The following DZIP3 variants were observed in gnomAD, a reference collection of about 807,000 sequenced individuals.
DZIP3 encodes DAZ interacting zinc finger protein 3.
Under a neutral mutation model 162.0 loss-of-function variants are expected in DZIP3, and 118 were observed. The ratio of observed to expected loss-of-function variants is 0.73; its 90% confidence interval spans 0.63 to 0.85. DZIP3 has a LOEUF of 0.85. DZIP3 is among the 40% of genes least tolerant of loss of function. The pLI, the probability that DZIP3 is intolerant of heterozygous loss-of-function variation, is 0.00. For synonymous variants in DZIP3, 438 were observed against 458.6 expected, an observed-to-expected ratio of 0.96 and a Z score of 0.57; for missense variants, 1,331 against 1,407.0, an observed-to-expected ratio of 0.95 and a Z score of 0.86.
At chr3:108,689,910 G>A (rs1476381562) in intron 31 of DZIP3, among the ~76,000 whole-genome samples, 1 of 152,164 alleles carries the variant, frequency 6.6e-6, no homozygotes, top group African/African-American at 2.4e-5. Context: ...AGCCATGTTT[G>A]TAAGACATCA....
At chr3:108,604,342 C>A (rs114408165) in intron 1 of DZIP3, among the ~76,000 whole-genome samples, 278 of 152,100 alleles carry the variant, frequency 1.8e-3, no homozygotes, top group African/African-American at 6.4e-3. Flanking sequence ...TTCTTTTGCC[C>A]CAGAGCATAT....
In DZIP3 at chr3:108,605,326, T is replaced by G; in HGVS notation, c.-72-9T>G. 1 of 1,544,366 alleles carries G rather than the reference T, an allele frequency of 6.5e-7. No homozygotes were observed. Among genetic ancestry groups the G allele is most frequent in the Non-Finnish European group, 8.9e-7 (1 of 1,126,998 alleles). On this transcript the variant is annotated splice_polypyrimidine_tract_variant and intron_variant, in intron 1 of 32. Transcript: ENST00000361582. ...TCCTATCTTCATAAAAATATTATTT[T>G]CCTTACAGCATTAAAGGGCAGTATT... is the stretch of plus-strand genomic sequence containing the variant.
chr3:108,672,432 T>A, intron 22 of DZIP3, 128 bp from the exon 23 acceptor site: 1 of 722,280 alleles, frequency 1.4e-6, no homozygotes. Flanking sequence ...CTTGTTTCTA[T>A]GTGCTCTATA....
chr3:108,674,160 G>A lies in DZIP3; in HGVS notation c.2672G>A (p.Arg891Lys). Residue 891 changes from arginine to lysine, a missense_variant, in exon 24 of 33, where the codon AGG (arginine) becomes AAG (lysine). Physicochemically the swap from Arg to Lys is conservative, Grantham distance 26. Transcript: ENST00000361582. Reference sequence around the variant, plus strand: ...AAGGAATGTCTCAATCAGCTTGCCAGGGTGACTCACATGGCAGCAAGGTAA... The same window carrying A: ...AAGGAATGTCTCAATCAGCTTGCCAAGGTGACTCACATGGCAGCAAGGTAA... ...TEKECLNQLA[R>K]VTHMAASNLE... 1 of 1,612,220 alleles carries A rather than the reference G, an allele frequency of 6.2e-7. No individual in the cohort carries two copies. The highest frequency in any genetic ancestry group is 8.5e-7 in the Non-Finnish European group (1 of 1,178,848).
intron 5 of DZIP3, 115 bp from the exon 6 acceptor site, chr3:108,624,329 A>G: frequency 1.6e-6 from 1 of 613,790 alleles, no homozygotes; most frequent in Non-Finnish European, 2.9e-6. Flanking sequence ...TAATGTTTTG[A>G]TAATTTTTAC....
intron 20 of DZIP3, 64 bp downstream of exon 20, chr3:108,662,036 T>G: frequency 6.3e-7 from 1 of 1,579,590 alleles, no homozygotes; most frequent in Non-Finnish European, 8.6e-7. Flanking sequence ...AACTTACTGG[T>G]GCTTTCTGTT....
intron 5 of DZIP3, among the ~76,000 whole-genome samples, chr3:108,619,909 A>G (rs1941234839): frequency 6.6e-6 from 1 of 152,186 alleles, no homozygotes; most frequent in East Asian, 1.9e-4. Context: ...TATTAAAAAA[A>G]AAAAAACAGG....
intron 1 of DZIP3, among the ~76,000 whole-genome samples, chr3:108,590,299 A>G (rs1014459794): frequency 1.3e-5 from 2 of 152,232 alleles, no homozygotes; most frequent in Non-Finnish European, 2.9e-5. Context: ...TTTAAAAACC[A>G]GGATGTAGAA....
At chr3:108,633,912 C>CTCTGGATCTATCAGAATACTTCTGATAGA (rs1576390975) in intron 9 of DZIP3, among the ~76,000 whole-genome samples, 10 of 30,050 alleles carry the variant, frequency 3.3e-4, no homozygotes, top group East Asian at 0.018. Flanking sequence ...TGATAGATCT[C>CTCTGGATCTATCAGAATACTTCTGATAGA]TCTCTCTGGA....
At chr3:108,669,615 C>T (rs1416858081) in intron 21 of DZIP3, 66 bp from the exon 22 acceptor site, 1 of 1,432,180 alleles carries the variant, frequency 7.0e-7, no homozygotes, top group Admixed American at 1.8e-5. Flanking sequence ...GTAGTTAGAG[C>T]TCTTCTGACT....
At chr3:108,645,573 A>G (rs545377954) in intron 14 of DZIP3, among the ~76,000 whole-genome samples, 2 of 152,336 alleles carry the variant, frequency 1.3e-5, no homozygotes, top group South Asian at 4.1e-4. Context: ...AGTTCAAGGC[A>G]TGACAACATC....
chr3:108,611,075 T>A, intron 3 of DZIP3, 99 bp from the exon 4 acceptor site: 1 of 1,180,276 alleles, frequency 8.5e-7, no homozygotes, highest in Non-Finnish European at 1.2e-6. Flanking sequence ...CAAGGGAAAA[T>A]GAGCTTTGTT....
intron 8 of DZIP3, among the ~76,000 whole-genome samples, chr3:108,631,457 G>T (rs1052417953): frequency 7.3e-5 from 11 of 151,626 alleles, no homozygotes; most frequent in Admixed American, 5.9e-4. Context: ...GTTCACTGCA[G>T]CCTCAACCTC....
At chr3:108,600,583 C>G (rs1467620352) in intron 1 of DZIP3, among the ~76,000 whole-genome samples, 1 of 152,050 alleles carries the variant, frequency 6.6e-6, no homozygotes, top group Non-Finnish European at 1.5e-5. Flanking sequence ...CATTAACATT[C>G]CTTTCCAAAC....
At chr3:108,660,220 A>G (rs1209929034) in intron 19 of DZIP3, among the ~76,000 whole-genome samples, 1 of 152,184 alleles carries the variant, frequency 6.6e-6, no homozygotes, top group Non-Finnish European at 1.5e-5. Flanking sequence ...GAGGCATCAC[A>G]CTACCTGACT....
rs1941857441 is a variant in DZIP3, at chr3:108,631,059, T to TA, written c.696+1883_696+1884insA. Among the ~76,000 whole-genome samples, 21 of 46,768 alleles carry TA rather than the reference T, an allele frequency of 4.5e-4. 1 individual carries two copies. The South Asian group carries it at 0.015, about 33-fold the overall frequency. 30.7% of individuals were successfully genotyped at this position (46,768 alleles called of 152,430 possible). A position where few individuals can be genotyped will look rare whatever the true frequency, so the allele number is the denominator to read the frequency against. On this transcript the variant is annotated intron_variant, in intron 8 of 32. Coordinates refer to ENST00000361582, the MANE Select transcript of DZIP3 (RefSeq NM_014648.4). The stretch of plus-strand genomic sequence containing the variant: ...CACACACACACACACACACACACTC[T>TA]CTCTCTCTCTCTCTCTCTCTCTCTC...
intron 1 of DZIP3, among the ~76,000 whole-genome samples, chr3:108,597,680 A>C (rs1939778493): frequency 6.6e-6 from 1 of 152,178 alleles, no homozygotes; most frequent in African/African-American, 2.4e-5. Flanking sequence ...TTTCGAAGAC[A>C]GTAGTGTCCA....
At chr3:108,685,506 A>T (rs1038415283) in intron 27 of DZIP3, among the ~76,000 whole-genome samples, 1 of 152,178 alleles carries the variant, frequency 6.6e-6, no homozygotes, top group Non-Finnish European at 1.5e-5. Context: ...GGTCATAATT[A>T]TCTTAGTAAT....
At chr3:108,601,362 G>A (rs914104845) in intron 1 of DZIP3, among the ~76,000 whole-genome samples, 1 of 152,068 alleles carries the variant, frequency 6.6e-6, no homozygotes, top group East Asian at 1.9e-4. Context: ...AAAACTTCCC[G>A]TAACAGGGTT....
Sources: allele counts gnomAD v4.1 joint callset (sites outside exome capture counted in the v4.1 genomes callset), GRCh38; gene constraint gnomAD v4.1.1; transcripts MANE v1.5; gene names NCBI Gene and HGNC (gene_info 2026-07-23, HGNC 2026-07-21).